Variants in MTA1 observed in about 807,000 individuals in gnomAD.
MTA1 encodes metastasis associated 1.
In MTA1, 15 loss-of-function variants were observed where a neutral mutation model predicts 97.0. That is an observed-to-expected ratio of 0.15 (90% CI 0.10 to 0.24). MTA1 has a LOEUF of 0.24. Among genes scored for constraint, MTA1 ranks in the 10% least tolerant of loss-of-function variants. The pLI, the probability that MTA1 is intolerant of heterozygous loss-of-function variation, is 1.00. For synonymous variants in MTA1, 435 were observed against 417.5 expected (o/e 1.04, Z -0.51); for missense variants, 709 against 1,015.1 (o/e 0.70, Z 4.10).
chr14:105,428,932 C>G (rs1156950416), intron 1 of MTA1, among the ~76,000 whole-genome samples: 2 of 151,996 alleles, frequency 1.3e-5, no homozygotes, highest in East Asian at 3.9e-4. Context: ...ACTATGTTGC[C>G]CACACTAGTC....
At chr14:105,461,808 C>G (rs1333989635) in intron 10 of MTA1, among the ~76,000 whole-genome samples, 1 of 152,204 alleles carries the variant, frequency 6.6e-6, no homozygotes, top group African/African-American at 2.4e-5. Flanking sequence ...GTGTGGGGGC[C>G]TCTGGCCAAG....
Position 105,466,426 on chromosome 14 carries a change from A to AG in MTA1, c.1626dup (p.Thr543AspfsTer9). Reference sequence around the variant, plus strand: ...GTTCTGCCTGTGTCATTCCCGGCAGAGACCCACCCCCGCCCCCCCAAGCCT... The same window carrying AG: ...GTTCTGCCTGTGTCATTCCCGGCAGAGGACCCACCCCCGCCCCCCCAAGCCT... On this transcript the variant is annotated frameshift_variant and splice_region_variant, in exon 17 of 21. Coordinates refer to ENST00000331320, the MANE Select transcript of MTA1 (RefSeq NM_004689.4). LOFTEE classifies it high-confidence loss of function. 7.9e-5 allele frequency: 117 copies of AG among 1,483,746 alleles called. No individual in the cohort carries two copies. Among genetic ancestry groups the AG allele is most frequent in the Non-Finnish European group, 9.5e-5 (102 of 1,070,886 alleles). 91.9% of individuals were successfully genotyped at this position (1,483,746 alleles called of 1,614,324 possible).
chr14:105,444,965 A>T (rs1294045500), intron 2 of MTA1, among the ~76,000 whole-genome samples: 1 of 152,214 alleles, frequency 6.6e-6, no homozygotes, highest in Non-Finnish European at 1.5e-5. Flanking sequence ...TTTGTCAGCC[A>T]GGCCAGGTGG....
intron 1 of MTA1, among the ~76,000 whole-genome samples, chr14:105,425,490 G>A (rs1266504168): frequency 6.6e-6 from 1 of 152,146 alleles, no homozygotes; most frequent in Non-Finnish European, 1.5e-5. Context: ...TGCCCAGGCT[G>A]GTCTCGAACT....
chr14:105,431,060 A>G (rs1223992694), intron 1 of MTA1, among the ~76,000 whole-genome samples: 2 of 152,216 alleles, frequency 1.3e-5, no homozygotes, highest in Non-Finnish European at 2.9e-5. Context: ...TCTCCCTACC[A>G]GCAGCCAGTC....
Position 105,463,299 on chromosome 14 carries a change from C to CA in MTA1, c.1017+41_1017+42insA. On this transcript the variant is annotated intron_variant, in intron 11 of 20. Coordinates refer to ENST00000331320, the MANE Select transcript of MTA1 (RefSeq NM_004689.4). The surrounding 1 kb of genome is among the most constrained non-coding windows in gnomAD (Gnocchi z 5.9). ...ACTCAGTGCCCGGGGTGTGCCGCCT[C>CA]CCCGTCCTGCGCCCCATCCTCTCCC... The CA allele has an allele frequency of 6.2e-7, 1 of 1,604,266 alleles. No individual in the cohort carries two copies. Among genetic ancestry groups the CA allele is most frequent in the Admixed American group, 1.7e-5 (1 of 59,960 alleles).
At chr14:105,426,502 G>A (rs887939518) in intron 1 of MTA1, among the ~76,000 whole-genome samples, 6 of 152,032 alleles carry the variant, frequency 3.9e-5, no homozygotes, top group Non-Finnish European at 7.4e-5. Context: ...AGGGCGCAGC[G>A]CACGTGGGGG....
At chr14:105,461,079 C>A in intron 10 of MTA1, 126 bp downstream of exon 10, 2 of 1,012,006 alleles carry the variant, frequency 2.0e-6, no homozygotes, top group Non-Finnish European at 2.9e-6. Flanking sequence ...ATTCCCTGTG[C>A]GGAGCTGCAT....
chr14:105,444,993 G>C (rs146973637), intron 2 of MTA1, among the ~76,000 whole-genome samples: 1 of 152,108 alleles, frequency 6.6e-6, no homozygotes, highest in Non-Finnish European at 1.5e-5. Context: ...GGTCCCATGC[G>C]GGGGGTCCAG....
intron 3 of MTA1, among the ~76,000 whole-genome samples, chr14:105,447,268 C>T (rs2082749093): frequency 6.6e-6 from 1 of 152,180 alleles, no homozygotes; most frequent in Non-Finnish European, 1.5e-5. Flanking sequence ...CGCAGTGTGG[C>T]CCTGCCAGTC....
rs587622940 is a variant in MTA1 at position 105,438,572 on chromosome 14, A to G, written c.29-100A>G. On this transcript the variant is annotated intron_variant, in intron 1 of 20. Coordinates refer to ENST00000331320, the MANE Select transcript of MTA1 (RefSeq NM_004689.4). ...CTGAGGGAGCAGAGGTGAGGGGATG[A>G]CACTGCCCCGCCTGAGCCCCGAGTC... is the stretch of plus-strand genomic sequence containing the variant. 878 of 997,880 alleles carry G rather than the reference A, an allele frequency of 8.8e-4. 10 individuals are homozygous for G. The South Asian group carries it at 0.011, about 13-fold the overall frequency. 61.8% of individuals were successfully genotyped at this position (997,880 alleles called of 1,614,324 possible). A position where few individuals can be genotyped will look rare whatever the true frequency, so the allele number is the denominator to read the frequency against.
chr14:105,450,218 G>A (rs1452564599), intron 5 of MTA1, 34 bp downstream of exon 5: 14 of 1,611,116 alleles, frequency 8.7e-6, no homozygotes, highest in South Asian at 4.4e-5. Flanking sequence ...TGGGCCCCTC[G>A]GGCTGCCCTC....
chr14:105,443,730 G>T (rs8014398), intron 2 of MTA1, among the ~76,000 whole-genome samples: 151,037 of 152,274 alleles, frequency 0.99, 74,913 homozygotes, highest in Middle Eastern at 1. Flanking sequence ...GCAGATTGCT[G>T]GAGTCCAGGA....
At chr14:105,451,168 C>G (rs1398123807) in intron 6 of MTA1, among the ~76,000 whole-genome samples, 9 of 152,256 alleles carry the variant, frequency 5.9e-5, no homozygotes, top group Admixed American at 5.9e-4. Flanking sequence ...GGGCTCATCT[C>G]TGTCGTGGCC....
chr14:105,420,024 G>A lies in MTA1; in HGVS notation c.-12G>A. 3 of 1,055,416 alleles carry A rather than the reference G, an allele frequency of 2.8e-6. No individual in the cohort carries two copies. Among genetic ancestry groups the A allele is most frequent in the Admixed American group, 4.5e-5 (1 of 22,396 alleles). The allele number at this position is 1,055,416 out of a possible 1,614,324, so 65.4% of individuals were successfully genotyped here. ...GCCCGCCCCGGGCCCCTCCGCCGCCGCCGGCCCGGACATGGCCGCCAACAT... is the reference window on the plus strand; with the variant it reads ...GCCCGCCCCGGGCCCCTCCGCCGCCACCGGCCCGGACATGGCCGCCAACAT... On this transcript the variant is annotated 5_prime_UTR_variant, in exon 1 of 21. Transcript: ENST00000331320. This position sits in a 1 kb window ranked among gnomAD's most constrained non-coding sequence, Gnocchi z 5.3.
chr14:105,441,538 G>A (rs7150182), intron 2 of MTA1, among the ~76,000 whole-genome samples: 6 of 152,310 alleles, frequency 3.9e-5, no homozygotes, highest in African/African-American at 1.4e-4. Flanking sequence ...CTCACGCCTG[G>A]AATCCCAGCA....
At chr14:105,425,280 T>C (rs1423909198) in intron 1 of MTA1, among the ~76,000 whole-genome samples, 1 of 151,902 alleles carries the variant, frequency 6.6e-6, no homozygotes, top group Non-Finnish European at 1.5e-5. Context: ...CTTGGGAGCA[T>C]GTAATTATGT....
intron 10 of MTA1, among the ~76,000 whole-genome samples, chr14:105,462,707 A>G (rs1223751009): frequency 6.6e-6 from 1 of 152,030 alleles, no homozygotes; most frequent in African/African-American, 2.4e-5. Context: ...CGTCTGTACT[A>G]AAAATACAAA....
intron 19 of MTA1, 94 bp from the exon 20 acceptor site, chr14:105,469,747 G>A (rs1330534103): frequency 1.4e-5 from 20 of 1,427,722 alleles, no homozygotes; most frequent in Non-Finnish European, 1.8e-5. Context: ...GTGGTGGGGG[G>A]TTGGCCAGGC....
Sources: gnomAD v4.1 joint callset for allele counts (sites outside exome capture counted in the v4.1 genomes callset) on GRCh38, gnomAD v4.1.1 for gene constraint, Gnocchi (gnomAD v3.1) non-coding constraint, MANE v1.5 for transcripts, NCBI Gene and HGNC (gene_info 2026-07-23, HGNC 2026-07-21) for gene names.